AMBRA1: variants seen among roughly 807,000 people sequenced by gnomAD.
AMBRA1 encodes activating molecule in BECN1-regulated autophagy protein 1.
In AMBRA1, 47 loss-of-function variants were observed where a neutral mutation model predicts 125.4. The observed-to-expected ratio is 0.37, with a 90% CI of 0.30 to 0.48. AMBRA1 has a LOEUF of 0.48. Ranked by LOEUF, AMBRA1 falls within the 20% of genes least tolerant of loss-of-function variation. AMBRA1 has a pLI of 0.99. For missense variants in AMBRA1, 1,331 were observed against 1,693.4 expected (o/e 0.79, Z 3.76); for synonymous variants, 626 against 655.5 (o/e 0.95, Z 0.69).
At chr11:46,405,944 G>C (rs1945993056) in intron 17 of AMBRA1, among the ~76,000 whole-genome samples, 1 of 151,862 alleles carries the variant, frequency 6.6e-6, no homozygotes, top group Admixed American at 6.5e-5. Context: ...TGTTGCCCAG[G>C]CTGGTCTTGA....
intron 7 of AMBRA1, among the ~76,000 whole-genome samples, chr11:46,526,074 A>C (rs974193136): frequency 1.3e-5 from 2 of 151,956 alleles, no homozygotes; most frequent in African/African-American, 4.8e-5. Context: ...GCAGGGTGGA[A>C]TATGCCTGTA....
At chr11:46,467,411 T>C (rs114332783) in intron 11 of AMBRA1, among the ~76,000 whole-genome samples, 1,599 of 152,312 alleles carry the variant, frequency 0.01, 26 homozygotes, top group African/African-American at 0.036. Context: ...TCGTATTTCC[T>C]TTCACATGCA....
chr11:46,432,394 G>C (rs1367609266), intron 14 of AMBRA1, among the ~76,000 whole-genome samples: 2 of 152,200 alleles, frequency 1.3e-5, no homozygotes, highest in African/African-American at 4.8e-5. Context: ...AATTCAAGAA[G>C]CTTGAAAAGT....
chr11:46,475,043 A>C (rs1949762452), intron 11 of AMBRA1, among the ~76,000 whole-genome samples: 2 of 152,290 alleles, frequency 1.3e-5, no homozygotes, highest in African/African-American at 4.8e-5. Flanking sequence ...GGAGAAAATG[A>C]GTGAGGTGAA....
At chr11:46,479,960 C>G (rs188732305) in intron 11 of AMBRA1, among the ~76,000 whole-genome samples, 6 of 152,232 alleles carry the variant, frequency 3.9e-5, no homozygotes, top group Non-Finnish European at 1.5e-5. Context: ...TGTTGGCTGG[C>G]CTGTGTTCGG....
intron 11 of AMBRA1, among the ~76,000 whole-genome samples, chr11:46,482,906 C>T (rs1042587954): frequency 4.0e-5 from 6 of 151,206 alleles, no homozygotes; most frequent in Admixed American, 6.6e-5. Context: ...CTACTCAGGA[C>T]GCTGAGGCAG....
intron 1 of AMBRA1, among the ~76,000 whole-genome samples, chr11:46,577,725 C>CA (rs1162211792): frequency 1.3e-5 from 2 of 151,758 alleles, no homozygotes; most frequent in Non-Finnish European, 2.9e-5. Context: ...CCGAGGCGGG[C>CA]AGATCACCTG....
chr11:46,427,730 C>T (rs759363758), intron 14 of AMBRA1, among the ~76,000 whole-genome samples: 3 of 152,094 alleles, frequency 2.0e-5, no homozygotes, highest in South Asian at 2.1e-4. Flanking sequence ...GGTAACAGGC[C>T]GGGAGCGCTG....
At chr11:46,547,085 GA>G in intron 4 of AMBRA1, 27 bp downstream of exon 4, 1 of 1,561,532 alleles carries the variant, frequency 6.4e-7, no homozygotes, top group Non-Finnish European at 8.6e-7. Flanking sequence ...AACACCAAAA[GA>G]AAAGGGTATC....
intron 11 of AMBRA1, among the ~76,000 whole-genome samples, chr11:46,459,788 C>A (rs1949020174): frequency 6.6e-6 from 1 of 150,726 alleles, no homozygotes; most frequent in African/African-American, 2.4e-5. Flanking sequence ...TGGAATACCA[C>A]AGAGAAGTAA....
intron 1 of AMBRA1, among the ~76,000 whole-genome samples, chr11:46,556,022 A>T (rs940965280): frequency 9.9e-5 from 15 of 152,226 alleles, no homozygotes; most frequent in South Asian, 2.1e-4. Context: ...ATTATTTTTT[A>T]AAAAATCCTT....
At chr11:46,546,823 C>A (rs1253420938) in intron 4 of AMBRA1, among the ~76,000 whole-genome samples, 2 of 152,176 alleles carry the variant, frequency 1.3e-5, no homozygotes, top group East Asian at 3.8e-4. Context: ...GTAATCCCAG[C>A]ACTTTGGGAG....
intron 1 of AMBRA1, among the ~76,000 whole-genome samples, chr11:46,588,684 A>C (rs1392134955): frequency 6.6e-6 from 1 of 151,568 alleles, no homozygotes; most frequent in Non-Finnish European, 1.5e-5. Context: ...CTGAGGCAGG[A>C]GAATCGCTTG....
chr11:46,585,434 G>A (rs1209752079), intron 1 of AMBRA1, among the ~76,000 whole-genome samples: 6 of 150,134 alleles, frequency 4.0e-5, no homozygotes, highest in Non-Finnish European at 5.9e-5. Context: ...TTGGGAGGCC[G>A]AGGCAGGTGG....
chr11:46,510,425 A>T (rs1315109641), intron 8 of AMBRA1, among the ~76,000 whole-genome samples: 1 of 152,254 alleles, frequency 6.6e-6, no homozygotes, highest in African/African-American at 2.4e-5. Flanking sequence ...TCATTGGTTA[A>T]ATTCTCAAGT....
At chr11:46,548,583 G>T in intron 1 of AMBRA1, 83 bp from the exon 2 acceptor site, 2 of 581,242 alleles carry the variant, frequency 3.4e-6, no homozygotes, top group Non-Finnish European at 5.8e-6. Context: ...GCTCAAAAGG[G>T]AAATTATACT....
At chr11:46,578,680 G>A (rs1228517976) in intron 1 of AMBRA1, among the ~76,000 whole-genome samples, 1 of 151,432 alleles carries the variant, frequency 6.6e-6, no homozygotes, top group African/African-American at 2.4e-5. Flanking sequence ...TCAGGAGATC[G>A]AGACCATCCT....
intron 11 of AMBRA1, among the ~76,000 whole-genome samples, chr11:46,448,135 G>C (rs1444483161): frequency 3.3e-5 from 5 of 152,186 alleles, no homozygotes; most frequent in Admixed American, 3.3e-4. Context: ...AAAATAAACT[G>C]TCTAGGCCCT....
At chr11:46,486,968 A>G (rs1044020595) in intron 11 of AMBRA1, among the ~76,000 whole-genome samples, 2 of 151,506 alleles carry the variant, frequency 1.3e-5, no homozygotes, top group Admixed American at 1.3e-4. Context: ...AATAAAAGAG[A>G]TGAGAGGGGC....
Sources: gnomAD v4.1 joint callset for allele counts (sites outside exome capture counted in the v4.1 genomes callset) on GRCh38, gnomAD v4.1.1 for gene constraint, MANE v1.5 for transcripts, NCBI Gene and HGNC (gene_info 2026-07-23, HGNC 2026-07-21) for gene names.